PRIM2: variants seen among roughly 807,000 people sequenced by gnomAD.
PRIM2 encodes the protein DNA primase subunit 2, also known as DNA primase large subunit.
Under a neutral mutation model 67.3 loss-of-function variants are expected in PRIM2, and 39 were observed. The ratio of observed to expected loss-of-function variants is 0.58; its 90% confidence interval spans 0.45 to 0.76. The LOEUF (loss-of-function observed/expected upper bound fraction) is 0.76, where lower values mean the gene tolerates loss of function less well. PRIM2 is among the 30% of genes least tolerant of loss of function. The probability of loss-of-function intolerance (pLI) is 0.00; values close to 1 mark genes in which losing one functional copy is unlikely to be tolerated. For missense variants in PRIM2, 398 were observed against 598.7 expected, an observed-to-expected ratio of 0.66 and a Z score of 3.50; for synonymous variants, 143 against 198.7, an observed-to-expected ratio of 0.72 and a Z score of 2.36.
the PRIM2 span, among the ~76,000 whole-genome samples, chr6:57,243,531 C>T: frequency 2.0e-5 from 3 of 152,158 alleles, no homozygotes; most frequent in African/African-American, 2.4e-5. Context: ...TGCAGTGGTG[C>T]GATCTCAGCT....
At chr6:57,341,558 G>T (rs62418099) in intron 5 of PRIM2, among the ~76,000 whole-genome samples, 6 of 152,124 alleles carry the variant, frequency 3.9e-5, no homozygotes, top group African/African-American at 1.4e-4. Context: ...CTTGTCCCCA[G>T]GTCTCTGTAA....
intron 7 of PRIM2, among the ~76,000 whole-genome samples, chr6:57,388,436 A>G (rs1770222217): frequency 6.6e-6 from 1 of 152,218 alleles, no homozygotes; most frequent in South Asian, 2.1e-4. Context: ...TGGTTGTGAG[A>G]GAAAGAGAAG....
At chr6:57,256,860 T>C in the PRIM2 span, among the ~76,000 whole-genome samples, 1 of 152,238 alleles carries the variant, frequency 6.6e-6, no homozygotes, top group Admixed American at 6.5e-5. Context: ...TCTATCTAAC[T>C]GATGTGCTAG....
intron 7 of PRIM2, among the ~76,000 whole-genome samples, chr6:57,452,614 C>T (rs1422013894): frequency 2.3e-3 from 350 of 152,224 alleles, no homozygotes; most frequent in Non-Finnish European, 3.8e-3. Context: ...ATCCTTTGCC[C>T]ACTTGTTGAT....
chr6:57,510,721 T>C (rs1486909333), intron 8 of PRIM2, among the ~76,000 whole-genome samples: 1 of 152,208 alleles, frequency 6.6e-6, no homozygotes, highest in Non-Finnish European at 1.5e-5. Flanking sequence ...GCAGCTGATG[T>C]GCATAGTTTG....
chr6:57,642,435 C>CTTTTTT lies in PRIM2; in HGVS notation c.1300-3473_1300-3468dup, dbSNP rs1156576933. The stretch of plus-strand genomic sequence containing the variant: ...TATGCACATACCTTAAATATTATAT[C>CTTTTTT]TTTTTTTTTTTTTTTTTTTTTTTTT... On this transcript the variant is annotated intron_variant, in intron 13 of 13. Transcript: ENST00000615550. Among the ~76,000 whole-genome samples the CTTTTTT allele has an allele frequency of 7.1e-3, 591 of 83,150 alleles. 30 individuals are homozygous for CTTTTTT. The highest frequency in any genetic ancestry group is 0.016 in the East Asian group (40 of 2,492). 54.5% of individuals were successfully genotyped at this position (83,150 alleles called of 152,430 possible).
rs1301396750 is a variant in PRIM2, at chr6:57,454,378, G to T, written c.694-53009G>T. Among the ~76,000 whole-genome samples the T allele has an allele frequency of 5.9e-5, 9 of 152,266 alleles. No individual in the cohort carries two copies. In the East Asian group the frequency reaches 1.7e-3, roughly 29 times the overall value. On this transcript the variant is annotated intron_variant, in intron 7 of 13. Transcript: ENST00000615550. The stretch of plus-strand genomic sequence containing the variant: ...GAAGGAATGGTACCAGTTCCTTCTT[G>T]TACCTCTGGTAGAATTCGGCTGTGA...
intron 10 of PRIM2, among the ~76,000 whole-genome samples, chr6:57,552,135 C>T (rs1443631023): frequency 0.01 from 1,597 of 152,244 alleles, 28 homozygotes; most frequent in African/African-American, 0.037. Flanking sequence ...CAGCAGGAGG[C>T]AGTGGAGCAC....
At chr6:57,558,165 T>G (rs1177799299) in intron 10 of PRIM2, among the ~76,000 whole-genome samples, 1 of 152,168 alleles carries the variant, frequency 6.6e-6, no homozygotes, top group East Asian at 1.9e-4. Context: ...GTGATGGGAT[T>G]GATATGAAGG....
chr6:57,241,688 A>ATTTTT, the PRIM2 span, among the ~76,000 whole-genome samples: 5,518 of 119,004 alleles, frequency 0.046, 464 homozygotes, highest in African/African-American at 0.11. Flanking sequence ...AGAACTATGT[A>ATTTTT]TTTTTTTTTT....
intron 10 of PRIM2, among the ~76,000 whole-genome samples, chr6:57,547,764 T>C (rs1775317734): frequency 1.3e-5 from 2 of 152,184 alleles, no homozygotes; most frequent in Admixed American, 1.3e-4. Flanking sequence ...TTATATGTTG[T>C]TATAATTGGG....
Position 57,559,386 on chromosome 6 carries a change from T to C in PRIM2, c.1020+21761T>C, listed in dbSNP as rs1197740814. On this transcript the variant is annotated intron_variant, in intron 10 of 13. Transcript: ENST00000615550. ...GTGTTTACCTGTTCTAGTGAATTTT[T>C]GCAGTCTTTTTTTGGCTTTACCTTG... 1.7e-3 allele frequency among the ~76,000 whole-genome samples: 261 copies of C among 152,282 alleles called. 1 individual carries two copies. The highest frequency in any genetic ancestry group is 5.8e-3 in the African/African-American group (243 of 41,566).
intron 2 of PRIM2, among the ~76,000 whole-genome samples, chr6:57,319,447 A>T (rs1300619499): frequency 6.6e-6 from 1 of 152,242 alleles, no homozygotes; most frequent in African/African-American, 2.4e-5. Context: ...GCTAATACAG[A>T]GAGGAGGCAC....
At chr6:57,467,385 C>A (rs1301306855) in intron 7 of PRIM2, among the ~76,000 whole-genome samples, 1 of 151,500 alleles carries the variant, frequency 6.6e-6, no homozygotes, top group Non-Finnish European at 1.5e-5. Context: ...AATAGGGAAT[C>A]CTTTCCCCAT....
chr6:57,420,603 G>T (rs1359453607), intron 7 of PRIM2, among the ~76,000 whole-genome samples: 2 of 152,202 alleles, frequency 1.3e-5, no homozygotes, highest in East Asian at 3.8e-4. Context: ...TCCATGTTCA[G>T]CTAACAATCT....
At chr6:57,451,060 T>A (rs1161790351) in intron 7 of PRIM2, among the ~76,000 whole-genome samples, 2 of 152,220 alleles carry the variant, frequency 1.3e-5, no homozygotes, top group Non-Finnish European at 2.9e-5. Flanking sequence ...AGCTATTTAA[T>A]GAGTTTATGT....
chr6:57,274,167 C>T, the PRIM2 span, among the ~76,000 whole-genome samples: 7,367 of 152,302 alleles, frequency 0.048, 212 homozygotes, highest in Non-Finnish European at 0.072. Context: ...CAGACAGGGA[C>T]ATTTATGTCT....
the PRIM2 span, among the ~76,000 whole-genome samples, chr6:57,295,933 G>C: frequency 6.6e-6 from 1 of 152,136 alleles, no homozygotes; most frequent in Non-Finnish European, 1.5e-5. Context: ...GGGATGAGGG[G>C]GGAATGGCAT....
chr6:57,513,418 T>C (rs1554347897), intron 8 of PRIM2, among the ~76,000 whole-genome samples: 5 of 150,140 alleles, frequency 3.3e-5, no homozygotes, highest in African/African-American at 1.2e-4. Context: ...GAAGTATAAA[T>C]AGGTACAACT....
Sources: gnomAD v4.1 joint callset for allele counts (sites outside exome capture counted in the v4.1 genomes callset) on GRCh38, gnomAD v4.1.1 for gene constraint, MANE v1.5 for transcripts, NCBI Gene and HGNC (gene_info 2026-07-23, HGNC 2026-07-21) for gene names.